The following HORMAD2 variants were observed in gnomAD, a reference collection of about 807,000 sequenced individuals.
HORMAD2 encodes the protein HORMA domain-containing protein 2.
Under a neutral mutation model 38.8 loss-of-function variants are expected in HORMAD2, and 45 were observed. The observed-to-expected ratio is 1.16, with a 90% CI of 0.91 to 1.49. The LOEUF (loss-of-function observed/expected upper bound fraction) is 1.49. Ranked by LOEUF, HORMAD2 falls within the 40% of genes most tolerant of loss-of-function variation. The pLI is 0.00. For synonymous variants in HORMAD2, 126 were observed against 122.8 expected (o/e 1.03, Z -0.17); for missense variants, 338 against 367.0 (o/e 0.92, Z 0.65).
chr22:30,166,302 T>C (rs551086606), intron 10 of HORMAD2, among the ~76,000 whole-genome samples: 1 of 152,282 alleles, frequency 6.6e-6, no homozygotes, highest in South Asian at 2.1e-4. Flanking sequence ...AAGATTGCCA[T>C]GTAGAATAGC....
intron 7 of HORMAD2, 105 bp from the exon 8 acceptor site, chr22:30,118,875 A>G: frequency 1.4e-6 from 1 of 715,526 alleles, no homozygotes; most frequent in Non-Finnish European, 2.4e-6. Flanking sequence ...CTATATAGGA[A>G]GTACAGTAGA....
At chr22:30,165,791 A>G (rs1006018230) in intron 10 of HORMAD2, among the ~76,000 whole-genome samples, 4 of 152,038 alleles carry the variant, frequency 2.6e-5, no homozygotes, top group Non-Finnish European at 5.9e-5. Context: ...TTCATAAACC[A>G]TAGCATAGGT....
At chr22:30,199,243 T>C in the HORMAD2 span, among the ~76,000 whole-genome samples, 1 of 152,226 alleles carries the variant, frequency 6.6e-6, no homozygotes, top group South Asian at 2.1e-4. Flanking sequence ...TCAGTAGATA[T>C]GCACAAGCAT....
chr22:30,099,051 G>C, intron 3 of HORMAD2, 58 bp downstream of exon 3: 3 of 1,457,904 alleles, frequency 2.1e-6, no homozygotes, highest in Non-Finnish European at 1.8e-6. Context: ...TATTTAGCAG[G>C]AATAAACCTT....
chr22:30,134,418 TATG>T (rs1923512270), intron 10 of HORMAD2, among the ~76,000 whole-genome samples: 2 of 147,622 alleles, frequency 1.4e-5, no homozygotes, highest in Admixed American at 1.4e-4. Context: ...TATATATATT[TATG>T]ATTATACTTA....
intron 10 of HORMAD2, chr22:30,136,944 TG>T: frequency 5.6e-6 from 3 of 538,274 alleles, no homozygotes; most frequent in Non-Finnish European, 1.0e-5. Context: ...CTGCACCTCT[TG>T]GGTCATGATT....
At chr22:30,133,455 G>GTA (rs1158099038) in intron 10 of HORMAD2, among the ~76,000 whole-genome samples, 9 of 113,298 alleles carry the variant, frequency 7.9e-5, no homozygotes, top group South Asian at 6.1e-4. Context: ...AGTGTTAATT[G>GTA]TATATATATA....
At chr22:30,168,817 G>A (rs879753625) in intron 10 of HORMAD2, among the ~76,000 whole-genome samples, 4 of 151,894 alleles carry the variant, frequency 2.6e-5, no homozygotes, top group Admixed American at 1.3e-4. Context: ...ATTGCTTCTC[G>A]TCTTACTCCT....
chr22:30,151,138 G>A lies in HORMAD2; in HGVS notation c.820-24925G>A, dbSNP rs1924722920. Among the ~76,000 whole-genome samples the A allele has an allele frequency of 2.6e-5, 4 of 151,942 alleles. No homozygotes were observed. In the South Asian group the frequency reaches 8.3e-4, roughly 32 times the overall value. On this transcript the variant is annotated intron_variant, in intron 10 of 10. Transcript: ENST00000336726. ...GTCCACTGCTGGTTTAGGTTTCTTG[G>A]GTCTGCTATTTTAGTTATTTATCTT...
intron 10 of HORMAD2, chr22:30,137,299 AT>A: frequency 1.9e-6 from 1 of 523,370 alleles, no homozygotes; most frequent in South Asian, 1.7e-5. Flanking sequence ...TGCAATTTTG[AT>A]TCCTTGAGTC....
chr22:30,143,574 C>A (rs2146185986), intron 10 of HORMAD2, among the ~76,000 whole-genome samples: 1 of 152,100 alleles, frequency 6.6e-6, no homozygotes, highest in East Asian at 1.9e-4. Flanking sequence ...AGCAATGAGT[C>A]ATTTTTCTCT....
intron 10 of HORMAD2, among the ~76,000 whole-genome samples, chr22:30,135,929 C>T (rs542040124): frequency 6.6e-6 from 1 of 152,258 alleles, no homozygotes; most frequent in Admixed American, 6.5e-5. Flanking sequence ...TGTAAAGCAG[C>T]AGGAAAACTG....
At chr22:30,148,393 C>T (rs1473246761) in intron 10 of HORMAD2, among the ~76,000 whole-genome samples, 2 of 152,004 alleles carry the variant, frequency 1.3e-5, no homozygotes, top group South Asian at 2.1e-4. Context: ...GAATTTAGTG[C>T]AAAGAGGCAT....
intron 10 of HORMAD2, among the ~76,000 whole-genome samples, chr22:30,166,191 A>C (rs1007164861): frequency 6.6e-6 from 1 of 152,104 alleles, no homozygotes; most frequent in African/African-American, 2.4e-5. Context: ...TATTTTTATA[A>C]TAATATGCCT....
the HORMAD2 span, among the ~76,000 whole-genome samples, chr22:30,197,749 A>G: frequency 2.0e-5 from 3 of 152,114 alleles, no homozygotes; most frequent in Non-Finnish European, 4.4e-5. Flanking sequence ...TTTCCTACAC[A>G]TCTGAAAAGA....
chr22:30,201,864 A>T, the HORMAD2 span, among the ~76,000 whole-genome samples: 1 of 152,174 alleles, frequency 6.6e-6, no homozygotes, highest in South Asian at 2.1e-4. Flanking sequence ...GTCCTGATAA[A>T]GGTGGCCACA....
the HORMAD2 span, among the ~76,000 whole-genome samples, chr22:30,190,103 C>G: frequency 6.6e-6 from 1 of 152,178 alleles, no homozygotes; most frequent in Non-Finnish European, 1.5e-5. Context: ...GTGAGCAATT[C>G]AGCACCCCCT....
intron 10 of HORMAD2, among the ~76,000 whole-genome samples, chr22:30,143,588 T>C (rs1924227535): frequency 6.6e-6 from 1 of 152,188 alleles, no homozygotes; most frequent in Non-Finnish European, 1.5e-5. Flanking sequence ...TTTCTCTTGT[T>C]GTTTTTAAGA....
chr22:30,125,291 A>G (rs1159683511), intron 10 of HORMAD2, among the ~76,000 whole-genome samples: 2 of 130,560 alleles, frequency 1.5e-5, no homozygotes, highest in Non-Finnish European at 3.1e-5. Context: ...GCAATGGCAC[A>G]ATCTCAGCTC....
Sources: allele counts gnomAD v4.1 joint callset (sites outside exome capture counted in the v4.1 genomes callset), GRCh38; gene constraint gnomAD v4.1.1; transcripts MANE v1.5; gene names NCBI Gene and HGNC (gene_info 2026-07-23, HGNC 2026-07-21).